Variants in FHOD1 observed in about 807,000 individuals in gnomAD.
FHOD1 encodes the protein formin homology 2 domain containing 1.
Under a neutral mutation model 111.6 loss-of-function variants are expected in FHOD1, and 89 were observed. The observed-to-expected ratio is 0.80, with a 90% CI of 0.67 to 0.95. The LOEUF (loss-of-function observed/expected upper bound fraction) is 0.95. Among genes scored for constraint, FHOD1 ranks in the 40% least tolerant of loss-of-function variants. The pLI, the probability that FHOD1 is intolerant of heterozygous loss-of-function variation, is 0.00. For missense variants in FHOD1, 1,446 were observed against 1,554.2 expected (o/e 0.93, Z 1.17); for synonymous variants, 618 against 639.0 (o/e 0.97, Z 0.50).
rs1427926351 is a variant in FHOD1, at chr16:67,234,037, C to T, written c.1666G>A (p.Asp556Asn). 6.2e-6 allele frequency: 10 copies of T among 1,613,704 alleles called. No individual in the cohort carries two copies. The highest frequency in any genetic ancestry group is 6.8e-6 in the Non-Finnish European group (8 of 1,179,994). ...TCCACAGACTCTACATTCAGCATGT[C>T]CTGGTCTTCATCCTCCCCTAGATCT... The part of the protein sequence containing the change: ...FSDLGEDEDQ[D>N]MLNVESVEAG... The change falls in exon 13 of 22, where the codon GAC (aspartate) becomes AAC (asparagine). Residue 556 changes from aspartate to asparagine, a missense_variant. Asp to Asn is a conservative substitution (Grantham distance 23). This residue lies in a region of FHOD1 where 1,085 missense variants were observed against 1,108.8 expected (regional missense o/e 0.98). Transcript: ENST00000258201.
intron 11 of FHOD1, 69 bp downstream of exon 11, chr16:67,236,488 A>G (rs1424680642): frequency 1.3e-6 from 2 of 1,571,294 alleles, no homozygotes; most frequent in South Asian, 1.2e-5. Flanking sequence ...CTGAGTGCCC[A>G]TGGAGGGGCG....
At position 67,237,457 on chromosome 16, in the gene FHOD1, C is replaced by T; in HGVS notation, c.849+18G>A. 2 of 1,614,146 alleles carry T rather than the reference C, an allele frequency of 1.2e-6. No homozygotes were observed. The highest frequency in any genetic ancestry group is 2.2e-5 in the South Asian group (2 of 91,086). ...GAGCCTGAGCATCCCAGAGCTGGCACCCAGTCCTTGGCCACACCTTGTTGA... is the reference window on the plus strand; with the variant it reads ...GAGCCTGAGCATCCCAGAGCTGGCATCCAGTCCTTGGCCACACCTTGTTGA... On this transcript the variant is annotated intron_variant, in intron 8 of 21. Coordinates refer to ENST00000258201, the MANE Select transcript of FHOD1 (RefSeq NM_013241.3). The surrounding 1 kb of genome is among the most constrained non-coding windows in gnomAD (Gnocchi z 5.6).
intron 1 of FHOD1, among the ~76,000 whole-genome samples, chr16:67,242,324 G>T (rs1350814956): frequency 1.3e-5 from 2 of 152,148 alleles, no homozygotes; most frequent in East Asian, 3.9e-4. Context: ...TCCTGCCAGG[G>T]CCCCATTTCT....
At chr16:67,239,045 C>T in intron 2 of FHOD1, 78 bp from the exon 3 acceptor site, 1 of 1,377,664 alleles carries the variant, frequency 7.3e-7, no homozygotes, top group Non-Finnish European at 1.0e-6. Flanking sequence ...GAGCCAAAGA[C>T]CTCCCCATGC....
chr16:67,237,062 C>G lies in FHOD1; in HGVS notation c.1046G>C (p.Gly349Ala), dbSNP rs371700085. ...GDIEEAPGAG[G>A]RRERRKPSSE... The stretch of plus-strand genomic sequence containing the variant: ...AGAAGGCTTTCGTCGTTCCCGCCGC[C>G]CACCAGCGCCTGGGGCTTCTTCGAT... Residue 349 changes from glycine (G) to alanine (A), a missense_variant, in exon 10 of 22, where the codon GGG becomes GCG. Transcript: ENST00000258201. The surrounding 1 kb of genome is among the most constrained non-coding windows in gnomAD (Gnocchi z 5.6). 6 of 1,613,146 alleles carry G rather than the reference C, an allele frequency of 3.7e-6. No individual in the cohort carries two copies. Among genetic ancestry groups the G allele is most frequent in the Non-Finnish European group, 1.7e-6 (2 of 1,179,790 alleles).
chr16:67,236,982 G>T lies in FHOD1; in HGVS notation c.1126C>A (p.Arg376Ser). The T allele has an allele frequency of 1.3e-6, 2 of 1,597,176 alleles. No individual in the cohort carries two copies. The highest frequency in any genetic ancestry group is 2.2e-5 in the East Asian group (1 of 44,728). Residue 376 changes from arginine (R) to serine (S), a missense_variant, in exon 10 of 22, where the codon CGT becomes AGT. By Grantham distance (110) the Arg-to-Ser change is moderately radical (BLOSUM62 -1). Transcript: ENST00000258201. The stretch of plus-strand genomic sequence containing the variant: ...CGTACTTACCCAGGTTCCGGGGCAC[G>T]CGCGGGGCAGCCCCCGCCTTCCAGA... ...RSLEGGGCPARAPEPGPTGPA... is the reference protein window; with the variant it reads ...RSLEGGGCPASAPEPGPTGPA...
At position 67,237,924 on chromosome 16, in the gene FHOD1, T is replaced by G. The variant is rs1415777915; in HGVS notation, c.642+110A>C. On this transcript the variant is annotated intron_variant, in intron 6 of 21. Coordinates refer to ENST00000258201, the MANE Select transcript of FHOD1 (RefSeq NM_013241.3). The surrounding 1 kb of genome is among the most constrained non-coding windows in gnomAD (Gnocchi z 5.6). ...CAGGCACTGAAGTGCCTTATAGGCT[T>G]ACAGAGGCCTCAGACTCACTCCCTT... 5 of 1,354,302 alleles carry G rather than the reference T, an allele frequency of 3.7e-6. No homozygotes were observed. The African/African-American group carries it at 7.2e-5, about 19-fold the overall frequency. The allele number at this position is 1,354,302 out of a possible 1,614,324, so 83.9% of individuals were successfully genotyped here. A position where few individuals can be genotyped will look rare whatever the true frequency, so the allele number is the denominator to read the frequency against.
chr16:67,242,124 A>G (rs1298226976), intron 1 of FHOD1, among the ~76,000 whole-genome samples: 1 of 152,036 alleles, frequency 6.6e-6, no homozygotes, highest in South Asian at 2.1e-4. Flanking sequence ...GTGCATCACC[A>G]TGCCTGGCTA....
At chr16:67,247,100 C>A in intron 1 of FHOD1, 110 bp downstream of exon 1, 3 of 1,283,082 alleles carry the variant, frequency 2.3e-6, no homozygotes, top group Non-Finnish European at 3.1e-6. Flanking sequence ...CAAGACTTTT[C>A]CGGAGAAGAA....
rs376880824 is a variant in FHOD1, at chr16:67,238,338, C to T, written c.442-31G>A. On this transcript the variant is annotated intron_variant, in intron 4 of 21. Coordinates refer to ENST00000258201, the MANE Select transcript of FHOD1 (RefSeq NM_013241.3). This position sits in a 1 kb window ranked among gnomAD's most constrained non-coding sequence, Gnocchi z 4.2. ...GGCACCATGGGGGAGTTTAGGGAAG[C>T]TTGGGCTACACACTTACCCCCAGCC... 4 of 1,613,932 alleles carry T rather than the reference C, an allele frequency of 2.5e-6. No homozygotes were observed. Among genetic ancestry groups the T allele is most frequent in the Non-Finnish European group, 3.4e-6 (4 of 1,179,930 alleles).
chr16:67,236,957 C>G lies in FHOD1; in HGVS notation c.1142+9G>C, dbSNP rs1447988676. On this transcript the variant is annotated intron_variant, in intron 10 of 21. Transcript: ENST00000258201. Reference sequence around the variant, plus strand: ...CCACCCTTTCCCATCTACAGATGCTCGTACTTACCCAGGTTCCGGGGCACG... The same window carrying G: ...CCACCCTTTCCCATCTACAGATGCTGGTACTTACCCAGGTTCCGGGGCACG... 3 of 1,573,162 alleles carry G rather than the reference C, an allele frequency of 1.9e-6. No homozygotes were observed. Among genetic ancestry groups the G allele is most frequent in the Middle Eastern group, 1.7e-4 (1 of 5,826 alleles).
intron 13 of FHOD1, among the ~76,000 whole-genome samples, chr16:67,233,343 C>T (rs946400823): frequency 1.3e-5 from 2 of 152,198 alleles, no homozygotes; most frequent in Non-Finnish European, 2.9e-5. Flanking sequence ...GCCTCGGCCT[C>T]CCAAGGTCCT....
Position 67,241,500 on chromosome 16 carries a change from G to A in FHOD1, c.202-2046C>T, listed in dbSNP as rs773027233. Among the ~76,000 whole-genome samples the A allele has an allele frequency of 9.2e-5, 14 of 152,172 alleles. No homozygotes were observed. In the East Asian group the frequency reaches 2.1e-3, roughly 23 times the overall value. On this transcript the variant is annotated intron_variant, in intron 1 of 21. Transcript: ENST00000258201. ...ACACACCTACCCCAGAGCCACCCCC[G>A]TCAGGGATCCCCTCGAATCACACAC...
chr16:67,236,889 T>TG (rs1364433644), intron 10 of FHOD1, 77 bp downstream of exon 10: 4 of 1,325,272 alleles, frequency 3.0e-6, no homozygotes, highest in African/African-American at 1.6e-5. Context: ...CTGAGGGGGT[T>TG]GGGGTCAGGG....
intron 1 of FHOD1, among the ~76,000 whole-genome samples, chr16:67,240,811 T>G (rs1321404754): frequency 6.6e-6 from 1 of 152,240 alleles, no homozygotes; most frequent in Non-Finnish European, 1.5e-5. Context: ...CAAAGTCTCC[T>G]TGACTTAAGT....
Position 67,237,891 on chromosome 16 carries a change from C to T in FHOD1, c.643-123G>A. On this transcript the variant is annotated intron_variant, in intron 6 of 21. Transcript: ENST00000258201. The surrounding 1 kb of genome is among the most constrained non-coding windows in gnomAD (Gnocchi z 5.6). ...AGAATCTAGGCAGAATGACCCTGGC[C>T]CCAGGCCCAGGCACTGAAGTGCCTT... 2 of 1,302,356 alleles carry T rather than the reference C, an allele frequency of 1.5e-6. No homozygotes were observed. Among genetic ancestry groups the T allele is most frequent in the Non-Finnish European group, 2.2e-6 (2 of 912,198 alleles). 80.7% of individuals were successfully genotyped at this position (1,302,356 alleles called of 1,614,324 possible). A position where few individuals can be genotyped will look rare whatever the true frequency, so the allele number is the denominator to read the frequency against.
At chr16:67,244,878 G>A (rs997322324) in intron 1 of FHOD1, among the ~76,000 whole-genome samples, 3 of 152,198 alleles carry the variant, frequency 2.0e-5, no homozygotes, top group African/African-American at 7.2e-5. Flanking sequence ...TCCCTCTAGA[G>A]GGCCAGCAAG....
Position 67,236,621 on chromosome 16 carries a change from T to G in FHOD1, c.1255A>C (p.Asn419His). 1 of 1,613,526 alleles carries G rather than the reference T, an allele frequency of 6.2e-7. No homozygotes were observed. Among genetic ancestry groups the G allele is most frequent in the Non-Finnish European group, 8.5e-7 (1 of 1,179,840 alleles). Residue 419 changes from asparagine (N) to histidine (H), a missense_variant, in exon 11 of 22, where the codon AAC becomes CAC. Physicochemically the swap from Asn to His is moderately conservative, Grantham distance 68. This residue lies in a region of FHOD1 where 1,085 missense variants were observed against 1,108.8 expected (regional missense o/e 0.98). Coordinates refer to ENST00000258201, the MANE Select transcript of FHOD1 (RefSeq NM_013241.3). ...GCCACAGAGATGGTAGGAAAAAGGT[T>G]CACTGAAGCTTGGAGACCGGAGGGA... ...GPPSGLQASVNLFPTISVAPS... is the reference protein window; with the variant it reads ...GPPSGLQASVHLFPTISVAPS...
intron 11 of FHOD1, chr16:67,236,203 C>A (rs2034467960): frequency 2.5e-6 from 1 of 397,826 alleles, no homozygotes; most frequent in East Asian, 1.6e-4. Flanking sequence ...AGGTATGACA[C>A]GAGGAAACTG....
Sources: gnomAD v4.1 joint callset for allele counts (sites outside exome capture counted in the v4.1 genomes callset) on GRCh38, gnomAD v4.1.1 for gene constraint, gnomAD v4.1.1 regional missense constraint, Gnocchi (gnomAD v3.1) non-coding constraint, MANE v1.5 for transcripts, NCBI Gene and HGNC (gene_info 2026-07-23, HGNC 2026-07-21) for gene names.